Variants in ARHGAP12 observed in about 807,000 individuals in gnomAD.
ARHGAP12 encodes the protein Rho GTPase activating protein 12.
A neutral mutation model predicts 108.6 loss-of-function variants in ARHGAP12; 64 were observed. That is an observed-to-expected ratio of 0.59 (90% confidence interval 0.48 to 0.73). ARHGAP12 has a LOEUF of 0.73. Among genes scored for constraint, ARHGAP12 ranks in the 30% least tolerant of loss-of-function variants. The probability of loss-of-function intolerance (pLI) is 0.00; values close to 1 mark genes in which losing one functional copy is unlikely to be tolerated. For synonymous variants in ARHGAP12, 312 were observed against 337.2 expected, an observed-to-expected ratio of 0.93 and a Z score of 0.82; for missense variants, 940 against 1,005.9, an observed-to-expected ratio of 0.93 and a Z score of 0.89.
At chr10:31,814,419 A>C in intron 13 of ARHGAP12, 58 bp from the exon 14 acceptor site, 1 of 1,357,816 alleles carries the variant, frequency 7.4e-7, no homozygotes, top group Non-Finnish European at 1.1e-6. Context: ...TATAGTTGGA[A>C]TGGCATAATT....
intron 1 of ARHGAP12, among the ~76,000 whole-genome samples, chr10:31,927,528 G>T (rs1479544167): frequency 1.3e-5 from 2 of 152,062 alleles, no homozygotes; most frequent in Non-Finnish European, 2.9e-5. Context: ...CTTTAGGAAC[G>T]CATGCCTAAA....
At chr10:31,855,552 G>A (rs1237945420) in intron 4 of ARHGAP12, among the ~76,000 whole-genome samples, 1 of 152,160 alleles carries the variant, frequency 6.6e-6, no homozygotes, top group Non-Finnish European at 1.5e-5. Flanking sequence ...TGCATAAAGT[G>A]AATTATATAT....
chr10:31,867,743 A>T (rs1006786467), intron 3 of ARHGAP12, among the ~76,000 whole-genome samples: 10 of 152,120 alleles, frequency 6.6e-5, no homozygotes, highest in Non-Finnish European at 1.2e-4. Flanking sequence ...AAGACACAAA[A>T]ATCCCTAACA....
intron 7 of ARHGAP12, 34 bp downstream of exon 7, chr10:31,843,427 G>A (rs747548072): frequency 6.3e-7 from 1 of 1,596,108 alleles, no homozygotes; most frequent in African/African-American, 1.3e-5. Flanking sequence ...ACAATATAAT[G>A]CAAAGAACTT....
intron 1 of ARHGAP12, among the ~76,000 whole-genome samples, chr10:31,913,950 T>C (rs891367088): frequency 1.2e-4 from 19 of 152,150 alleles, no homozygotes; most frequent in African/African-American, 4.6e-4. Flanking sequence ...ACGGGGGTTG[T>C]AAAATGGCAT....
At chr10:31,862,665 G>T (rs1356847988) in intron 3 of ARHGAP12, among the ~76,000 whole-genome samples, 1 of 150,760 alleles carries the variant, frequency 6.6e-6, no homozygotes, top group Non-Finnish European at 1.5e-5. Context: ...CAGCTTCCCT[G>T]ACCTCTAACC....
Position 31,858,196 on chromosome 10 carries a change from C to A in ARHGAP12, c.948+3199G>T, listed in dbSNP as rs77706605. ...CCCCAGCCTGGGCAACAGAGCAAAA[C>A]CCTGTCTCCTGCCAAAAAAGGCTCA... On this transcript the variant is annotated intron_variant, in intron 4 of 19. Coordinates refer to ENST00000344936, the MANE Select transcript of ARHGAP12 (RefSeq NM_018287.7). Among the ~76,000 whole-genome samples the A allele has an allele frequency of 6.2e-4, 94 of 152,180 alleles. 1 individual carries two copies. The East Asian group carries it at 0.014, about 23-fold the overall frequency.
chr10:31,915,332 G>A (rs1839510426), intron 1 of ARHGAP12, among the ~76,000 whole-genome samples: 1 of 151,084 alleles, frequency 6.6e-6, no homozygotes, highest in African/African-American at 2.4e-5. Context: ...GTCGTGGTGG[G>A]CCAAGATAGC....
intron 15 of ARHGAP12, among the ~76,000 whole-genome samples, chr10:31,811,245 T>G (rs1456705923): frequency 6.6e-6 from 1 of 152,230 alleles, no homozygotes; most frequent in Non-Finnish European, 1.5e-5. Context: ...CAGGTATTCA[T>G]AGCACCTAGG....
intron 10 of ARHGAP12, among the ~76,000 whole-genome samples, chr10:31,830,978 C>T (rs1043363275): frequency 6.6e-6 from 1 of 152,216 alleles, no homozygotes; most frequent in Non-Finnish European, 1.5e-5. Context: ...ATTTGGAACA[C>T]TGTCGAAATG....
intron 3 of ARHGAP12, among the ~76,000 whole-genome samples, chr10:31,887,386 T>G (rs1380247980): frequency 6.6e-6 from 1 of 152,204 alleles, no homozygotes; most frequent in African/African-American, 2.4e-5. Context: ...AGAATAATGT[T>G]TGACCAAATA....
intron 11 of ARHGAP12, among the ~76,000 whole-genome samples, chr10:31,821,563 T>C (rs1486861238): frequency 6.6e-6 from 1 of 152,190 alleles, no homozygotes; most frequent in Admixed American, 6.5e-5. Context: ...TTAGAAATTA[T>C]CTTACCCAAC....
intron 3 of ARHGAP12, among the ~76,000 whole-genome samples, chr10:31,876,495 C>T (rs1837737105): frequency 6.8e-6 from 1 of 147,230 alleles, no homozygotes; most frequent in Admixed American, 6.9e-5. Flanking sequence ...GACAACAGAG[C>T]AAGACTCCAT....
Position 31,820,371 on chromosome 10 carries a change from GA to G in ARHGAP12, c.1632+15del. On this transcript the variant is annotated intron_variant, in intron 12 of 19. Coordinates refer to ENST00000344936, the MANE Select transcript of ARHGAP12 (RefSeq NM_018287.7). Reference sequence around the variant, plus strand: ...TACAGTTTAGAATGTGTTATACTTAGAAAAAAATGTATTACCTCAAATACAT... The same window carrying G: ...TACAGTTTAGAATGTGTTATACTTAGAAAAAATGTATTACCTCAAATACAT... The G allele has an allele frequency of 1.9e-6, 3 of 1,576,128 alleles. No individual in the cohort carries two copies. Among genetic ancestry groups the G allele is most frequent in the Admixed American group, 3.6e-5 (2 of 55,442 alleles).
intron 3 of ARHGAP12, among the ~76,000 whole-genome samples, chr10:31,878,065 C>T (rs1273476646): frequency 6.6e-6 from 1 of 151,790 alleles, no homozygotes; most frequent in Non-Finnish European, 1.5e-5. Flanking sequence ...CCCTGTCTCA[C>T]AAAAATAAAA....
chr10:31,928,656 C>T (rs1840176583), intron 1 of ARHGAP12, 27 bp downstream of exon 1: 1 of 152,366 alleles, frequency 6.6e-6, no homozygotes, highest in Admixed American at 6.6e-5. Context: ...GCCCTCCGTC[C>T]GCCAGGACCC....
chr10:31,909,004 A>G, intron 2 of ARHGAP12, 78 bp from the exon 3 acceptor site: 3 of 764,708 alleles, frequency 3.9e-6, no homozygotes, highest in Non-Finnish European at 6.2e-6. Context: ...CACAAGCATC[A>G]TATAGTATAG....
chr10:31,926,097 G>T (rs1840026628), intron 1 of ARHGAP12, among the ~76,000 whole-genome samples: 1 of 152,146 alleles, frequency 6.6e-6, no homozygotes, highest in African/African-American at 2.4e-5. Flanking sequence ...TGACCAAGTG[G>T]ATATTAGAAG....
intron 3 of ARHGAP12, among the ~76,000 whole-genome samples, chr10:31,871,408 T>G (rs921824733): frequency 6.6e-6 from 1 of 152,188 alleles, no homozygotes; most frequent in Non-Finnish European, 1.5e-5. Flanking sequence ...CAGGGTTGGT[T>G]ACCTTACCTT....
Sources: allele counts gnomAD v4.1 joint callset (sites outside exome capture counted in the v4.1 genomes callset), GRCh38; gene constraint gnomAD v4.1.1; transcripts MANE v1.5; gene names NCBI Gene and HGNC (gene_info 2026-07-23, HGNC 2026-07-21).